The following CDCA5 variants were observed in gnomAD, a reference collection of about 807,000 sequenced individuals.
CDCA5 encodes cell division cycle associated 5, also known as sororin.
In CDCA5, 14 loss-of-function variants were observed where a neutral mutation model predicts 25.7. The ratio of observed to expected loss-of-function variants is 0.54; its 90% CI spans 0.36 to 0.85. The LOEUF is 0.85. Among genes scored for constraint, CDCA5 ranks in the 40% least tolerant of loss-of-function variants. The pLI is 0.01. For missense variants in CDCA5, 307 were observed against 324.5 expected (o/e 0.95, Z 0.41); for synonymous variants, 127 against 128.7 (o/e 0.99, Z 0.09).
downstream of CDCA5, among the ~76,000 whole-genome samples, chr11:65,065,286 TA>T (rs578119196): frequency 0.017 from 2,611 of 151,600 alleles, 63 homozygotes; most frequent in South Asian, 0.054. Context: ...TATTTTAAAT[TA>T]AAAAAAAAAT....
In CDCA5 at chr11:65,078,598, A is replaced by G; in HGVS notation, c.*509T>C. 1.0e-6 allele frequency: 1 copy of G among 986,312 alleles called. No homozygotes were observed. Among genetic ancestry groups the G allele is most frequent in the Non-Finnish European group, 1.2e-6 (1 of 830,594 alleles). 61.1% of individuals were successfully genotyped at this position (986,312 alleles called of 1,614,324 possible). On this transcript the variant is annotated 3_prime_UTR_variant, in exon 6 of 6. Transcript: ENST00000275517. ...ACGAATTCTCTCTGGGACTATTTACAGAATCAAAGGGGAAACCCACGGAAC... is the reference window on the plus strand; with the variant it reads ...ACGAATTCTCTCTGGGACTATTTACGGAATCAAAGGGGAAACCCACGGAAC...
At chr11:65,067,991 A>T (rs577409049) in intron 3 of CDCA5, 192 of 1,132,060 alleles carry the variant, frequency 1.7e-4, no homozygotes, top group Non-Finnish European at 2.1e-4. Flanking sequence ...CTGCATGGGC[A>T]CTCTCTCTCT....
chr11:65,078,731 C>T lies in CDCA5; in HGVS notation c.*376G>A. On this transcript the variant is annotated 3_prime_UTR_variant, in exon 6 of 6. Transcript: ENST00000275517. ...AGCCCCTGGGCCTATTTCCAAGCAG[C>T]CACCCCTCCCAACAAGAGCAGAGGT... 9.8e-7 allele frequency: 1 copy of T among 1,021,536 alleles called. No homozygotes were observed. Among genetic ancestry groups the T allele is most frequent in the Non-Finnish European group, 1.2e-6 (1 of 854,260 alleles). 63.3% of individuals were successfully genotyped at this position (1,021,536 alleles called of 1,614,324 possible).
At chr11:65,073,322 CAG>C (rs1183459986), downstream of CDCA5, among the ~76,000 whole-genome samples, 1 of 152,144 alleles carries the variant, frequency 6.6e-6, no homozygotes, top group African/African-American at 2.4e-5. Flanking sequence ...TGAGGCACAT[CAG>C]AGTCTAATTA....
At chr11:65,062,897 G>T (rs976948188), downstream of CDCA5, among the ~76,000 whole-genome samples, 2 of 152,106 alleles carry the variant, frequency 1.3e-5, no homozygotes, top group Non-Finnish European at 2.9e-5. Flanking sequence ...GCCCCTCCCA[G>T]AGCGTAAGTT....
rs1018739894 is a variant in CDCA5, at chr11:65,066,634, G to A, written c.481C>T (p.Gln161Ter). 59 of 1,289,002 alleles carry A rather than the reference G, an allele frequency of 4.6e-5. No homozygotes were observed. Among genetic ancestry groups the A allele is most frequent in the Non-Finnish European group, 5.9e-5 (58 of 988,760 alleles). The allele number at this position is 1,289,002 out of a possible 1,614,324, so 79.8% of individuals were successfully genotyped here. ...TCCTGGATGGCCTGGGCCTCCTCCT[G>A]GATGGCCTGGGCTCCCTCCTTCAGG... is the stretch of plus-strand genomic sequence containing the variant. Residue 161 changes from glutamine (Q) to a stop codon, truncating the protein, a stop_gained, in exon 6 of 7, where the codon CAG becomes TAG. Transcript: ENST00000525464. LOFTEE classifies it high-confidence loss of function.
At chr11:65,066,619 C>A (rs1330676510) in exon 6 of CDCA5, 6 of 1,288,778 alleles carry the variant, frequency 4.7e-6, no homozygotes, top group Non-Finnish European at 5.1e-6. Flanking sequence ...TCCTGGATGG[C>A]CTGGGCCTCC....
chr11:65,067,929 G>T (rs965541796), intron 3 of CDCA5: 2 of 919,730 alleles, frequency 2.2e-6, no homozygotes, highest in Non-Finnish European at 1.5e-6. Flanking sequence ...TGGGTGTGGG[G>T]TGGGGAGAAA....
chr11:65,076,832 C>G (rs970013804), downstream of CDCA5, among the ~76,000 whole-genome samples: 2 of 152,126 alleles, frequency 1.3e-5, no homozygotes, highest in African/African-American at 2.4e-5. Context: ...TTCAAAGGAG[C>G]CTGAAAGGGA....
chr11:65,065,766 C>T (rs1947227128), downstream of CDCA5, among the ~76,000 whole-genome samples: 1 of 151,966 alleles, frequency 6.6e-6, no homozygotes. Flanking sequence ...CCAGGAGGCC[C>T]TGGGCCAGAG....
At chr11:65,066,626 C>T in exon 6 of CDCA5, 1 of 1,288,744 alleles carries the variant, frequency 7.8e-7, no homozygotes, top group African/African-American at 1.5e-5. Flanking sequence ...TGGCCTGGGC[C>T]TCCTCCTGGA....
In CDCA5 at chr11:65,078,930, C is replaced by A; in HGVS notation, c.*177G>T. Reference sequence around the variant, plus strand: ...GGCCAGGCGGCCCCATTTCCTAAAACCAAGATGGCTGCCGCTGCTGCCCAA... The same window carrying A: ...GGCCAGGCGGCCCCATTTCCTAAAAACAAGATGGCTGCCGCTGCTGCCCAA... On this transcript the variant is annotated 3_prime_UTR_variant, in exon 6 of 6. Transcript: ENST00000275517. 8.0e-7 allele frequency: 1 copy of A among 1,257,614 alleles called. No homozygotes were observed. 77.9% of individuals were successfully genotyped at this position (1,257,614 alleles called of 1,614,324 possible).
At chr11:65,068,004 C>G (rs1325924071) in intron 3 of CDCA5, 1 of 1,280,774 alleles carries the variant, frequency 7.8e-7, no homozygotes, top group African/African-American at 1.5e-5. Context: ...CTCTCTCTCT[C>G]TCTCTCTCTC....
chr11:65,069,235 C>CAAAA lies in CDCA5; in HGVS notation c.64-638_64-635dup, dbSNP rs538955897. 1.2e-3 allele frequency among the ~76,000 whole-genome samples: 100 copies of CAAAA among 85,732 alleles called. 3 individuals carry two copies. Among genetic ancestry groups the CAAAA allele is most frequent in the East Asian group, 3.7e-3 (11 of 2,960 alleles). The allele number at this position is 85,732 out of a possible 152,430, so 56.2% of individuals were successfully genotyped here. ...AGCCTGGGCTTCAGAGCGAGACTCT[C>CAAAA]AAAAAAAAAAAAAAAAAAAAAGCTG... On this transcript the variant is annotated intron_variant, in intron 1 of 6. Transcript: ENST00000525464.
intron 2 of CDCA5, chr11:65,068,151 G>A (rs1227808772): frequency 8.1e-7 from 1 of 1,236,160 alleles, no homozygotes; most frequent in East Asian, 5.6e-5. Context: ...TGACTGGAGA[G>A]GGTCACGGCT....
chr11:65,072,338 G>A (rs1947356838), intron 1 of CDCA5, among the ~76,000 whole-genome samples: 1 of 152,228 alleles, frequency 6.6e-6, no homozygotes, highest in Non-Finnish European at 1.5e-5. Flanking sequence ...CTGAGCCAAA[G>A]CCTCATCTGA....
Position 65,083,547 on chromosome 11 carries a change from G to A in CDCA5, c.145C>T (p.Pro49Ser), listed in dbSNP as rs750822315. ...SILPEIWPKT[P>S]SAAAVRKPIV... ...GGCTTTCTGACTGCAGCCGCACTGG[G>A]TGTCTGGAGAAGAGGGATGAACGTG... The change falls in exon 3 of 6, where the codon CCC (proline) becomes TCC (serine). Residue 49 changes from proline to serine, a missense_variant. Pro to Ser is a moderately conservative substitution (Grantham distance 74, BLOSUM62 -1). Transcript: ENST00000275517. 9.9e-6 allele frequency: 16 copies of A among 1,614,066 alleles called. No homozygotes were observed. Among genetic ancestry groups the A allele is most frequent in the Non-Finnish European group, 1.3e-5 (15 of 1,180,028 alleles).
At chr11:65,063,105 G>A (rs779902751), downstream of CDCA5, among the ~76,000 whole-genome samples, 15 of 152,208 alleles carry the variant, frequency 9.9e-5, no homozygotes, top group Non-Finnish European at 1.9e-4. Context: ...TGTAAAAGGT[G>A]GGCACGAGAC....
At chr11:65,067,103 CT>C (rs1047293030) in intron 4 of CDCA5, among the ~76,000 whole-genome samples, 6 of 152,220 alleles carry the variant, frequency 3.9e-5, no homozygotes, top group African/African-American at 1.4e-4. Context: ...ACTAATTATG[CT>C]TTTTGTCTTC....
Sources: gnomAD v4.1 joint callset for allele counts (sites outside exome capture counted in the v4.1 genomes callset) on GRCh38, gnomAD v4.1.1 for gene constraint, MANE v1.5 for transcripts, NCBI Gene and HGNC (gene_info 2026-07-23, HGNC 2026-07-21) for gene names.